Variants in CTNNA3 observed in about 807,000 individuals in gnomAD.
CTNNA3 encodes catenin alpha 3.
In CTNNA3, 76 loss-of-function variants were observed where a neutral mutation model predicts 95.7. That is an observed-to-expected ratio of 0.79 (90% CI 0.66 to 0.96). The LOEUF is 0.96. Among genes scored for constraint, CTNNA3 ranks in the 40% least tolerant of loss-of-function variants. The pLI is 0.00. For missense variants in CTNNA3, 1,191 were observed against 1,089.8 expected (o/e 1.09, Z -1.31); for synonymous variants, 431 against 374.4 (o/e 1.15, Z -1.74).
chr10:66,121,981 AAATACTTAATC>A (rs2082604857), intron 13 of CTNNA3, among the ~76,000 whole-genome samples: 1 of 152,228 alleles, frequency 6.6e-6, no homozygotes, highest in Admixed American at 6.5e-5. Flanking sequence ...GTTTTGTTAT[AAATACTTAATC>A]ACATAAATGA....
intron 11 of CTNNA3, among the ~76,000 whole-genome samples, chr10:66,507,667 G>T (rs776078903): frequency 6.6e-6 from 1 of 151,788 alleles, no homozygotes; most frequent in African/African-American, 2.4e-5. Flanking sequence ...TGTTACCAAC[G>T]ACAATATTTC....
At chr10:67,748,775 G>A (rs1044366137) in intron 1 of CTNNA3, among the ~76,000 whole-genome samples, 1 of 152,146 alleles carries the variant, frequency 6.6e-6, no homozygotes, top group Non-Finnish European at 1.5e-5. Flanking sequence ...AATGTAAATA[G>A]GCTAAATGTC....
intron 5 of CTNNA3, among the ~76,000 whole-genome samples, chr10:67,227,225 A>C (rs1269036061): frequency 6.6e-6 from 1 of 151,602 alleles, no homozygotes; most frequent in Non-Finnish European, 1.5e-5. Flanking sequence ...CCAAGTAGCT[A>C]GGATTACATG....
chr10:65,933,287 A>T (rs909274081), intron 17 of CTNNA3, among the ~76,000 whole-genome samples: 1 of 152,196 alleles, frequency 6.6e-6, no homozygotes, highest in Non-Finnish European at 1.5e-5. Flanking sequence ...GATAGTAATA[A>T]TAATAGTTCA....
chr10:66,309,416 G>A (rs933073336), intron 12 of CTNNA3, among the ~76,000 whole-genome samples: 11 of 151,990 alleles, frequency 7.2e-5, no homozygotes, highest in Non-Finnish European at 1.5e-4. Flanking sequence ...TTCCGGGCCG[G>A]GTGCAGTGGC....
chr10:67,070,143 T>C (rs1032724406), intron 7 of CTNNA3, among the ~76,000 whole-genome samples: 2 of 152,246 alleles, frequency 1.3e-5, no homozygotes, highest in Admixed American at 6.5e-5. Flanking sequence ...AGTATAATGA[T>C]TGTTGAAGTT....
intron 5 of CTNNA3, among the ~76,000 whole-genome samples, chr10:67,340,621 T>C (rs190999442): frequency 6.6e-6 from 1 of 152,358 alleles, no homozygotes; most frequent in East Asian, 1.9e-4. Context: ...CATAATCTGC[T>C]CCAGGAAAGC....
chr10:66,813,964 G>A (rs1487820565), intron 7 of CTNNA3, among the ~76,000 whole-genome samples: 2 of 152,098 alleles, frequency 1.3e-5, no homozygotes, highest in East Asian at 1.9e-4. Context: ...CCTAAATTAC[G>A]GCAGTGACAT....
chr10:67,572,111 T>C (rs973577556), intron 3 of CTNNA3, among the ~76,000 whole-genome samples: 5 of 152,218 alleles, frequency 3.3e-5, no homozygotes, highest in Admixed American at 2.6e-4. Flanking sequence ...TGAAATGATA[T>C]ATTTTAGATA....
At chr10:67,722,277 AAGGTG>A (rs1329646812) in intron 1 of CTNNA3, among the ~76,000 whole-genome samples, 1 of 152,186 alleles carries the variant, frequency 6.6e-6, no homozygotes. Flanking sequence ...GCTGATAGGG[AAGGTG>A]AGAGACAGAT....
intron 7 of CTNNA3, among the ~76,000 whole-genome samples, chr10:67,132,153 G>C (rs1488506133): frequency 1.3e-5 from 2 of 152,098 alleles, no homozygotes; most frequent in Non-Finnish European, 2.9e-5. Flanking sequence ...TACAGCATTT[G>C]AAGAAAAGAC....
intron 7 of CTNNA3, among the ~76,000 whole-genome samples, chr10:66,999,144 TTTTA>T (rs1851536017): frequency 2.6e-5 from 4 of 152,280 alleles, no homozygotes; most frequent in South Asian, 4.1e-4. Context: ...TTTGTACTAC[TTTTA>T]TTTATCATTT....
At chr10:66,753,637 C>T (rs958085642) in intron 9 of CTNNA3, among the ~76,000 whole-genome samples, 1 of 149,076 alleles carries the variant, frequency 6.7e-6, no homozygotes, top group African/African-American at 2.5e-5. Flanking sequence ...ACTCTAGCCT[C>T]GGCAAAAAGA....
At position 66,015,687 on chromosome 10, in the gene CTNNA3, A is replaced by G. The variant is rs1434531915; in HGVS notation, c.2160-26890T>C. ...AAATTATACACTGGCCTTTCCATAGAAAAAGTTTGCCAACTTTTTCATTAC... is the reference window on the plus strand; with the variant it reads ...AAATTATACACTGGCCTTTCCATAGGAAAAGTTTGCCAACTTTTTCATTAC... On this transcript the variant is annotated intron_variant, in intron 15 of 17. Coordinates refer to ENST00000433211, the MANE Select transcript of CTNNA3 (RefSeq NM_013266.4). 3.3e-5 allele frequency among the ~76,000 whole-genome samples: 5 copies of G among 152,256 alleles called. No individual in the cohort carries two copies. In the East Asian group the frequency reaches 7.7e-4, roughly 24 times the overall value.
At chr10:65,952,669 G>A (rs2077643974) in intron 17 of CTNNA3, among the ~76,000 whole-genome samples, 1 of 152,064 alleles carries the variant, frequency 6.6e-6, no homozygotes, top group Non-Finnish European at 1.5e-5. Context: ...CTGTCATTCT[G>A]TAAGTACTTG....
chr10:67,322,990 C>T (rs1158869445), intron 5 of CTNNA3, among the ~76,000 whole-genome samples: 1 of 152,102 alleles, frequency 6.6e-6, no homozygotes, highest in Admixed American at 6.5e-5. Context: ...AGCTTTTTTT[C>T]ATATGATTCT....
At chr10:66,897,898 T>C (rs376238510) in intron 7 of CTNNA3, among the ~76,000 whole-genome samples, 1 of 152,182 alleles carries the variant, frequency 6.6e-6, no homozygotes, top group South Asian at 2.1e-4. Context: ...TTCCAGTACC[T>C]GGACTGTGGA....
chr10:66,189,667 T>C (rs1034709428), intron 13 of CTNNA3, among the ~76,000 whole-genome samples: 1 of 149,534 alleles, frequency 6.7e-6, no homozygotes, highest in Non-Finnish European at 1.5e-5. Context: ...CACATATATA[T>C]ATATTGTTTC....
chr10:66,757,752 C>A (rs1443411692), intron 9 of CTNNA3, among the ~76,000 whole-genome samples: 1 of 152,146 alleles, frequency 6.6e-6, no homozygotes, highest in African/African-American at 2.4e-5. Flanking sequence ...AAAACTTGGG[C>A]TCACTTTCTA....
Sources: allele counts gnomAD v4.1 joint callset (sites outside exome capture counted in the v4.1 genomes callset), GRCh38; gene constraint gnomAD v4.1.1; transcripts MANE v1.5; gene names NCBI Gene and HGNC (gene_info 2026-07-23, HGNC 2026-07-21).